Variants in ILRUN observed in about 807,000 individuals in gnomAD.
ILRUN encodes inflammation and lipid regulator with UBA-like and NBR1-like domains.
ILRUN carries 3 observed loss-of-function variants against 33.8 expected under a neutral mutation model. The observed-to-expected ratio is 0.09, with a 90% confidence interval of 0.04 to 0.23. ILRUN has a LOEUF of 0.23. Among genes scored for constraint, ILRUN ranks in the 10% least tolerant of loss-of-function variants. ILRUN has a pLI of 1.00. For synonymous variants in ILRUN, 124 were observed against 138.9 expected (o/e 0.89, Z 0.75); for missense variants, 210 against 375.1 (o/e 0.56, Z 3.64).
chr6:34,675,199 T>C (rs1763202924), intron 1 of ILRUN, among the ~76,000 whole-genome samples: 1 of 152,088 alleles, frequency 6.6e-6, no homozygotes, highest in South Asian at 2.1e-4. Context: ...GAGAATCACA[T>C]GAACCTGGGA....
chr6:34,686,662 A>C (rs931355644), intron 1 of ILRUN: 13 of 208,730 alleles, frequency 6.2e-5, no homozygotes, highest in African/African-American at 2.6e-4. Flanking sequence ...CCAACCCCAC[A>C]AAGTGATACA....
At chr6:34,602,467 T>C (rs889423427) in intron 4 of ILRUN, among the ~76,000 whole-genome samples, 1 of 152,216 alleles carries the variant, frequency 6.6e-6, no homozygotes, top group African/African-American at 2.4e-5. Flanking sequence ...AGTTTCGCAC[T>C]GTCCAAACAG....
intron 1 of ILRUN, among the ~76,000 whole-genome samples, chr6:34,658,822 T>C (rs1296029559): frequency 6.6e-6 from 1 of 152,122 alleles, no homozygotes; most frequent in Non-Finnish European, 1.5e-5. Flanking sequence ...AAAAAAAGAC[T>C]GTGATCTTTA....
intron 1 of ILRUN, among the ~76,000 whole-genome samples, chr6:34,666,753 A>G (rs2127374797): frequency 6.6e-6 from 1 of 152,336 alleles, no homozygotes; most frequent in East Asian, 1.9e-4. Flanking sequence ...ATAACTAATC[A>G]GCACAAACAA....
chr6:34,606,057 A>T (rs1267753429), intron 4 of ILRUN, among the ~76,000 whole-genome samples: 1 of 152,214 alleles, frequency 6.6e-6, no homozygotes, highest in Non-Finnish European at 1.5e-5. Context: ...CAGAATATTT[A>T]AAATCACAGT....
At chr6:34,612,419 T>C (rs1416281295) in intron 3 of ILRUN, among the ~76,000 whole-genome samples, 1 of 150,974 alleles carries the variant, frequency 6.6e-6, no homozygotes, top group Non-Finnish European at 1.5e-5. Flanking sequence ...TCTCAAAAAA[T>C]AATAATAATA....
At chr6:34,644,043 A>G (rs1762523020) in intron 3 of ILRUN, among the ~76,000 whole-genome samples, 1 of 152,120 alleles carries the variant, frequency 6.6e-6, no homozygotes, top group Non-Finnish European at 1.5e-5. Flanking sequence ...AGATCTTTTT[A>G]AAGTCCCCTC....
intron 1 of ILRUN, among the ~76,000 whole-genome samples, chr6:34,666,816 A>T (rs1763016445): frequency 6.6e-6 from 1 of 152,240 alleles, no homozygotes; most frequent in Non-Finnish European, 1.5e-5. Context: ...GTACTTGCAA[A>T]CAATCTCACG....
chr6:34,601,711 C>CG (rs1489686853), intron 4 of ILRUN, among the ~76,000 whole-genome samples: 13 of 148,170 alleles, frequency 8.8e-5, no homozygotes, highest in African/African-American at 3.2e-4. Flanking sequence ...ACCCGCCCCC[C>CG]CAACTACTGT....
At chr6:34,651,668 C>T (rs907468823) in intron 2 of ILRUN, among the ~76,000 whole-genome samples, 1 of 150,072 alleles carries the variant, frequency 6.7e-6, no homozygotes. Context: ...AAGGTACTGA[C>T]TTCACTTTAA....
intron 3 of ILRUN, among the ~76,000 whole-genome samples, chr6:34,607,574 T>G (rs1023167644): frequency 6.6e-6 from 1 of 152,232 alleles, no homozygotes; most frequent in Non-Finnish European, 1.5e-5. Flanking sequence ...AGTCATGCAT[T>G]GCTTAATGAA....
In ILRUN at chr6:34,646,609, T is replaced by C. The variant is rs1253350586; in HGVS notation, c.503A>G (p.Tyr168Cys). The change falls in exon 3 of 5, where the codon TAC becomes TGC. Residue 168 changes from tyrosine (Y) to cysteine (C), a missense_variant. This residue lies in a region of ILRUN where 60 missense variants were observed against 138.1 expected (regional missense o/e 0.43). Coordinates refer to ENST00000374023, the MANE Select transcript of ILRUN (RefSeq NM_024294.4). The surrounding 1 kb of genome is among the most constrained non-coding windows in gnomAD (Gnocchi z 4.9). ...QWRMCTATGLYYGDVIWVILS... is the reference protein window; with the variant it reads ...QWRMCTATGLCYGDVIWVILS... Reference sequence around the variant, plus strand: ...CACAAGGACATACTCACCTCCATAGTAGAGTCCTGTAGCAGTGCACATCCG... The same window carrying C: ...CACAAGGACATACTCACCTCCATAGCAGAGTCCTGTAGCAGTGCACATCCG... The C allele has an allele frequency of 3.7e-6, 6 of 1,614,062 alleles. No individual in the cohort carries two copies. Among genetic ancestry groups the C allele is most frequent in the East Asian group, 2.2e-5 (1 of 44,876 alleles).
At position 34,682,569 on chromosome 6, in the gene ILRUN, T is replaced by A. The variant is rs998512952; in HGVS notation, c.158+13877A>T. ...CACCGCGCCCAGCCAATCTCTGTCT[T>A]CTGAAGTGATCCTCTCATCTCAGCC... On this transcript the variant is annotated intron_variant, in intron 1 of 4. Transcript: ENST00000374023. Among the ~76,000 whole-genome samples the A allele has an allele frequency of 2.0e-5, 3 of 151,098 alleles. No homozygotes were observed. In the East Asian group the frequency reaches 5.9e-4, roughly 30 times the overall value.
rs183242163 is a variant in ILRUN, at chr6:34,596,327, G to A, written c.862-5727C>T. ...GGCTGGAGTGCACAGGTGCGATCTCGACTCATTGCAACCTCCACCTCCTGG... is the reference window on the plus strand; with the variant it reads ...GGCTGGAGTGCACAGGTGCGATCTCAACTCATTGCAACCTCCACCTCCTGG... On this transcript the variant is annotated intron_variant, in intron 4 of 4. Transcript: ENST00000374023. 1.3e-4 allele frequency among the ~76,000 whole-genome samples: 20 copies of A among 152,218 alleles called. No homozygotes were observed. The East Asian group carries it at 1.9e-3, about 15-fold the overall frequency.
At chr6:34,647,239 A>T (rs1762577915) in intron 2 of ILRUN, among the ~76,000 whole-genome samples, 1 of 152,232 alleles carries the variant, frequency 6.6e-6, no homozygotes, top group African/African-American at 2.4e-5. Context: ...CAGAAACAAG[A>T]GGATGAAACA....
intron 3 of ILRUN, among the ~76,000 whole-genome samples, chr6:34,610,249 C>T: frequency 6.6e-6 from 1 of 152,156 alleles, no homozygotes; most frequent in Middle Eastern, 3.2e-3. Context: ...AACCTCTTGA[C>T]TTAACACCAC....
intron 3 of ILRUN, among the ~76,000 whole-genome samples, chr6:34,628,590 C>T (rs542682624): frequency 5.9e-5 from 9 of 152,046 alleles, no homozygotes; most frequent in Non-Finnish European, 1.0e-4. Flanking sequence ...CCTCGGCCTC[C>T]CAAAGTGCTG....
intron 1 of ILRUN, among the ~76,000 whole-genome samples, chr6:34,688,896 G>A (rs1763585998): frequency 6.6e-6 from 1 of 151,974 alleles, no homozygotes; most frequent in Non-Finnish European, 1.5e-5. Flanking sequence ...GGGAGGCGGA[G>A]GTTACAGCGA....
chr6:34,649,846 A>C (rs2127361886), intron 2 of ILRUN, among the ~76,000 whole-genome samples: 1 of 152,324 alleles, frequency 6.6e-6, no homozygotes, highest in East Asian at 1.9e-4. Flanking sequence ...ACATAATAAA[A>C]TGTGTTGAAT....
Sources: gnomAD v4.1 joint callset for allele counts (sites outside exome capture counted in the v4.1 genomes callset) on GRCh38, gnomAD v4.1.1 for gene constraint, gnomAD v4.1.1 regional missense constraint, Gnocchi (gnomAD v3.1) non-coding constraint, MANE v1.5 for transcripts, NCBI Gene and HGNC (gene_info 2026-07-23, HGNC 2026-07-21) for gene names.